The following DPP10 variants were observed in gnomAD, a reference collection of about 807,000 sequenced individuals.
The protein encoded by DPP10 is dipeptidyl peptidase like 10.
Under a neutral mutation model 120.9 loss-of-function variants are expected in DPP10, and 33 were observed. The observed-to-expected ratio is 0.27, with a 90% confidence interval of 0.21 to 0.37. The LOEUF is 0.37. Among genes scored for constraint, DPP10 ranks in the 10% least tolerant of loss-of-function variants. DPP10 has a pLI of 1.00. For synonymous variants in DPP10, 337 were observed against 326.1 expected, an observed-to-expected ratio of 1.03 and a Z score of -0.36; for missense variants, 816 against 942.8, an observed-to-expected ratio of 0.87 and a Z score of 1.76.
intron 13 of DPP10, among the ~76,000 whole-genome samples, chr2:115,769,416 C>A (rs1681185480): frequency 1.3e-5 from 2 of 152,138 alleles, no homozygotes; most frequent in South Asian, 4.1e-4. Flanking sequence ...GCTTTAGAGT[C>A]TCAAAATCTT....
Position 115,385,787 on chromosome 2 carries a change from G to T in DPP10, c.271+41875G>T, listed in dbSNP as rs138021669. ...CATAAAACTTTGATTTGAAAAATTTGGTAAGCTTTTATCTTCCTAATCTGT... is the reference window on the plus strand; with the variant it reads ...CATAAAACTTTGATTTGAAAAATTTTGTAAGCTTTTATCTTCCTAATCTGT... On this transcript the variant is annotated intron_variant, in intron 3 of 25. Transcript: ENST00000410059. 4.6e-5 allele frequency among the ~76,000 whole-genome samples: 7 copies of T among 152,196 alleles called. No homozygotes were observed. The East Asian group carries it at 1.4e-3, about 29-fold the overall frequency.
At chr2:115,459,074 T>G (rs1480931642) in intron 3 of DPP10, among the ~76,000 whole-genome samples, 1 of 152,098 alleles carries the variant, frequency 6.6e-6, no homozygotes, top group East Asian at 1.9e-4. Context: ...AGCAACTGTA[T>G]TAAACTTAGA....
At chr2:115,236,300 T>C (rs1194751916) in intron 1 of DPP10, among the ~76,000 whole-genome samples, 2 of 152,216 alleles carry the variant, frequency 1.3e-5, no homozygotes, top group Non-Finnish European at 2.9e-5. Flanking sequence ...GAATATACCA[T>C]GGACATAGTT....
chr2:115,004,780 G>T (rs1238890876), intron 1 of DPP10, among the ~76,000 whole-genome samples: 5 of 152,242 alleles, frequency 3.3e-5, no homozygotes, highest in East Asian at 3.9e-4. Context: ...AGGCGGCAGC[G>T]AGGCTGGGGG....
chr2:115,404,330 A>G (rs1183627183), intron 3 of DPP10, among the ~76,000 whole-genome samples: 1 of 152,144 alleles, frequency 6.6e-6, no homozygotes, highest in Non-Finnish European at 1.5e-5. Flanking sequence ...TATAAACAGG[A>G]TGGTCCTACT....
intron 7 of DPP10, among the ~76,000 whole-genome samples, chr2:115,710,325 G>A (rs1284717597): frequency 6.6e-6 from 1 of 152,082 alleles, no homozygotes; most frequent in East Asian, 1.9e-4. Context: ...AAAAATGACA[G>A]TATGGGGGTA....
intron 1 of DPP10, among the ~76,000 whole-genome samples, chr2:114,490,122 C>A (rs1225277101): frequency 2.0e-5 from 3 of 152,122 alleles, no homozygotes; most frequent in African/African-American, 4.8e-5. Flanking sequence ...ACGGTAGGAC[C>A]TATGTTTTCC....
At chr2:115,451,569 C>A (rs2073109141) in intron 3 of DPP10, among the ~76,000 whole-genome samples, 1 of 151,804 alleles carries the variant, frequency 6.6e-6, no homozygotes, top group Non-Finnish European at 1.5e-5. Flanking sequence ...ATAGAAGTCA[C>A]TTAATTAAAA....
At chr2:115,630,403 C>T (rs756921032) in intron 5 of DPP10, among the ~76,000 whole-genome samples, 2 of 152,000 alleles carry the variant, frequency 1.3e-5, no homozygotes, top group Non-Finnish European at 2.9e-5. Context: ...TTTATTTTTT[C>T]TCTTGCCTGA....
intron 1 of DPP10, among the ~76,000 whole-genome samples, chr2:115,257,060 G>A (rs920021956): frequency 6.6e-6 from 1 of 152,194 alleles, no homozygotes; most frequent in African/African-American, 2.4e-5. Flanking sequence ...TTCCATCTGA[G>A]ACCTTGTAAG....
intron 1 of DPP10, among the ~76,000 whole-genome samples, chr2:115,287,017 T>G (rs1250048355): frequency 1.1e-4 from 16 of 151,996 alleles, no homozygotes. Context: ...AGGTGTACAT[T>G]TATGATCTAG....
intron 1 of DPP10, among the ~76,000 whole-genome samples, chr2:114,812,955 C>T (rs905734896): frequency 2.6e-5 from 4 of 152,016 alleles, no homozygotes; most frequent in Admixed American, 6.6e-5. Flanking sequence ...TTTTAAGATG[C>T]GATGGTTTCC....
intron 1 of DPP10, among the ~76,000 whole-genome samples, chr2:114,976,017 A>T (rs1699733569): frequency 6.6e-6 from 1 of 152,196 alleles, no homozygotes; most frequent in Non-Finnish European, 1.5e-5. Flanking sequence ...TTTAAAATAA[A>T]CCAAATAAGT....
chr2:114,636,638 G>A (rs1435456255), intron 1 of DPP10, among the ~76,000 whole-genome samples: 1 of 151,936 alleles, frequency 6.6e-6, no homozygotes, highest in East Asian at 1.9e-4. Context: ...TTGCTCAGAT[G>A]TCCTTGAATC....
At chr2:115,352,903 T>C (rs530294694) in intron 3 of DPP10, among the ~76,000 whole-genome samples, 1 of 152,166 alleles carries the variant, frequency 6.6e-6, no homozygotes, top group South Asian at 2.1e-4. Flanking sequence ...GCACATTTTA[T>C]TTTTTTGAGC....
chr2:115,506,292 C>G (rs2076938519), intron 4 of DPP10, among the ~76,000 whole-genome samples: 1 of 151,994 alleles, frequency 6.6e-6, no homozygotes, highest in African/African-American at 2.4e-5. Flanking sequence ...CGTGAGCATT[C>G]AAGGAAGTTC....
At chr2:114,988,991 T>C (rs555882468) in intron 1 of DPP10, among the ~76,000 whole-genome samples, 1 of 152,132 alleles carries the variant, frequency 6.6e-6, no homozygotes, top group East Asian at 1.9e-4. Flanking sequence ...CACCAAACAG[T>C]ATTTTTATCT....
intron 1 of DPP10, among the ~76,000 whole-genome samples, chr2:114,916,925 C>T (rs138593925): frequency 1.8e-4 from 28 of 152,280 alleles, no homozygotes; most frequent in African/African-American, 5.1e-4. Flanking sequence ...AGAATGCCCA[C>T]GCTGACCATT....
intron 1 of DPP10, among the ~76,000 whole-genome samples, chr2:115,239,027 C>G (rs1489694398): frequency 1.3e-5 from 2 of 152,116 alleles, no homozygotes; most frequent in Non-Finnish European, 2.9e-5. Context: ...CTAAGCCAAT[C>G]TAGCCTTTTT....
Sources: gnomAD v4.1 joint callset for allele counts (sites outside exome capture counted in the v4.1 genomes callset) on GRCh38, gnomAD v4.1.1 for gene constraint, MANE v1.5 for transcripts, NCBI Gene and HGNC (gene_info 2026-07-23, HGNC 2026-07-21) for gene names.